MYO3A: variants seen among roughly 807,000 people sequenced by gnomAD.
MYO3A encodes myosin IIIA, also known as myosin-IIIa.
A neutral mutation model predicts 192.7 loss-of-function variants in MYO3A; 180 were observed. That is an observed-to-expected ratio of 0.93 (90% CI 0.83 to 1.06). The LOEUF (loss-of-function observed/expected upper bound fraction) is 1.06. Among genes scored for constraint, MYO3A ranks in the 50% least tolerant of loss-of-function variants. The probability of loss-of-function intolerance (pLI) is 0.00; values close to 1 mark genes in which losing one functional copy is unlikely to be tolerated. For synonymous variants in MYO3A, 628 were observed against 645.3 expected, an observed-to-expected ratio of 0.97 and a Z score of 0.41; for missense variants, 1,896 against 1,905.0, an observed-to-expected ratio of 1.00 and a Z score of 0.09.
intron 14 of MYO3A, among the ~76,000 whole-genome samples, chr10:26,072,023 G>A (rs1386521258): frequency 7.9e-6 from 1 of 127,226 alleles, no homozygotes; most frequent in Non-Finnish European, 1.8e-5. Context: ...ATGGCAGAAG[G>A]TGAAGGGCAA....
intron 23 of MYO3A, among the ~76,000 whole-genome samples, chr10:26,147,908 G>C (rs1197696943): frequency 1.3e-5 from 2 of 152,112 alleles, no homozygotes; most frequent in Non-Finnish European, 2.9e-5. Context: ...CAAAAGTTTG[G>C]TGGGCTCTCT....
At chr10:26,031,466 G>A (rs887008680) in intron 10 of MYO3A, among the ~76,000 whole-genome samples, 1 of 152,132 alleles carries the variant, frequency 6.6e-6, no homozygotes, top group Non-Finnish European at 1.5e-5. Flanking sequence ...CCATCTGATC[G>A]CCCACGTGTA....
intron 31 of MYO3A, among the ~76,000 whole-genome samples, chr10:26,186,155 G>C (rs927395713): frequency 6.6e-6 from 1 of 151,824 alleles, no homozygotes; most frequent in Non-Finnish European, 1.5e-5. Context: ...GTTACAAGAT[G>C]TTTTTGGTTT....
rs781340046 is a variant in MYO3A, at chr10:26,088,274, C to T, written c.1431C>T (p.Cys477=). The change falls in exon 15 of 35, where the codon TGC becomes TGT. Residue 477 remains cysteine (C), a synonymous_variant. Transcript: ENST00000642920. ...TGGTAGAAGCCTTTGGCAATGCCTGCACTATTATAAATGACAATTCTAGCA... is the reference window on the plus strand; with the variant it reads ...TGGTAGAAGCCTTTGGCAATGCCTGTACTATTATAAATGACAATTCTAGCA... ...NNLVEAFGNA[C]TIINDNSSRF... 1 of 1,613,610 alleles carries T rather than the reference C, an allele frequency of 6.2e-7. No individual in the cohort carries two copies. Among genetic ancestry groups the T allele is most frequent in the Non-Finnish European group, 8.5e-7 (1 of 1,179,638 alleles).
intron 1 of MYO3A, among the ~76,000 whole-genome samples, chr10:25,935,161 G>T (rs1222383269): frequency 1.3e-5 from 2 of 152,130 alleles, no homozygotes; most frequent in Non-Finnish European, 2.9e-5. Context: ...ATCCGTAAAG[G>T]AGTTTTAATT....
chr10:26,073,293 C>T (rs1291698342), intron 14 of MYO3A, among the ~76,000 whole-genome samples: 3 of 151,988 alleles, frequency 2.0e-5, no homozygotes, highest in Admixed American at 1.3e-4. Context: ...TGGATGAGGC[C>T]GGGAGTGGTG....
chr10:26,200,577 T>G (rs575982446), intron 32 of MYO3A, among the ~76,000 whole-genome samples: 1 of 152,342 alleles, frequency 6.6e-6, no homozygotes, highest in South Asian at 2.1e-4. Context: ...GGTTTGTATA[T>G]AAGGTGAAAC....
At chr10:26,091,371 G>C (rs994268912) in intron 15 of MYO3A, among the ~76,000 whole-genome samples, 1 of 152,100 alleles carries the variant, frequency 6.6e-6, no homozygotes, top group Non-Finnish European at 1.5e-5. Context: ...TCTAAACATA[G>C]ATAGTTTTCA....
In MYO3A at chr10:26,070,198, A is replaced by G; in HGVS notation, c.1258A>G (p.Thr420Ala). 6.2e-7 allele frequency: 1 copy of G among 1,610,152 alleles called. No individual in the cohort carries two copies. Among genetic ancestry groups the G allele is most frequent in the Admixed American group, 1.7e-5 (1 of 60,002 alleles). ...MADLGYQSMI[T>A]YNSDQCIVIS... ...TGACTTAGGATATCAATCTATGATAACATATAATTCAGATCAGGTAAGAAG... is the reference window on the plus strand; with the variant it reads ...TGACTTAGGATATCAATCTATGATAGCATATAATTCAGATCAGGTAAGAAG... Residue 420 changes from threonine (T) to alanine (A), a missense_variant, in exon 13 of 35, where the codon ACA becomes GCA. By Grantham distance (58) the Thr-to-Ala change is moderately conservative. Coordinates refer to ENST00000642920, the MANE Select transcript of MYO3A (RefSeq NM_017433.5).
intron 4 of MYO3A, among the ~76,000 whole-genome samples, chr10:25,983,158 C>A (rs940443582): frequency 3.3e-5 from 5 of 151,906 alleles, no homozygotes; most frequent in Admixed American, 6.6e-5. Context: ...ATGCAAAATT[C>A]ACTTGAAAGT....
chr10:26,096,771 C>A, intron 17 of MYO3A, 89 bp downstream of exon 17: 1 of 890,776 alleles, frequency 1.1e-6, no homozygotes, highest in Non-Finnish European at 1.9e-6. Flanking sequence ...TTAATATATA[C>A]CAGCATAAGT....
At chr10:26,197,490 G>A (rs1843468964) in intron 32 of MYO3A, among the ~76,000 whole-genome samples, 2 of 152,136 alleles carry the variant, frequency 1.3e-5, no homozygotes, top group East Asian at 3.8e-4. Context: ...CATGGCTAAG[G>A]CAGCACCCAA....
At chr10:26,102,374 G>A (rs775569508) in intron 17 of MYO3A, among the ~76,000 whole-genome samples, 42 of 152,214 alleles carry the variant, frequency 2.8e-4, no homozygotes, top group African/African-American at 8.2e-4. Context: ...TGTTATTACC[G>A]ATCATCTGAA....
chr10:25,964,854 A>G (rs1226693142), intron 4 of MYO3A, among the ~76,000 whole-genome samples: 1 of 152,156 alleles, frequency 6.6e-6, no homozygotes, highest in African/African-American at 2.4e-5. Flanking sequence ...TTTGAAGGGT[A>G]TTTCACTGGA....
At chr10:26,054,538 A>G (rs947765764) in intron 10 of MYO3A, among the ~76,000 whole-genome samples, 1 of 152,220 alleles carries the variant, frequency 6.6e-6, no homozygotes, top group Non-Finnish European at 1.5e-5. Flanking sequence ...ACCTAGGTCC[A>G]ATCCCTGGGA....
At chr10:26,168,495 C>T (rs1294012419) in intron 27 of MYO3A, among the ~76,000 whole-genome samples, 8 of 152,172 alleles carry the variant, frequency 5.3e-5, no homozygotes, top group Non-Finnish European at 1.2e-4. Context: ...TGTAAATAAA[C>T]AGCATGGTTG....
intron 29 of MYO3A, among the ~76,000 whole-genome samples, chr10:26,172,564 G>A (rs73594313): frequency 3.2e-4 from 49 of 152,266 alleles, no homozygotes; most frequent in African/African-American, 1.2e-3. Flanking sequence ...TGGATTTTTC[G>A]GAACGTAATC....
At chr10:26,008,908 G>A (rs1178643724) in intron 6 of MYO3A, among the ~76,000 whole-genome samples, 2 of 151,644 alleles carry the variant, frequency 1.3e-5, no homozygotes, top group East Asian at 3.8e-4. Context: ...AAATCATGCT[G>A]CTATAAAGAC....
At chr10:26,030,922 A>G (rs1409981962) in intron 10 of MYO3A, among the ~76,000 whole-genome samples, 1 of 152,242 alleles carries the variant, frequency 6.6e-6, no homozygotes, top group African/African-American at 2.4e-5. Context: ...AACTTATTCA[A>G]CTATTCTGAA....
Sources: gnomAD v4.1 joint callset for allele counts (sites outside exome capture counted in the v4.1 genomes callset) on GRCh38, gnomAD v4.1.1 for gene constraint, MANE v1.5 for transcripts, NCBI Gene and HGNC (gene_info 2026-07-23, HGNC 2026-07-21) for gene names.